The following ZBTB20 variants were observed in gnomAD, a reference collection of about 807,000 sequenced individuals.
The protein encoded by ZBTB20 is zinc finger and BTB domain containing 20.
In ZBTB20, 9 loss-of-function variants were observed where a neutral mutation model predicts 56.9. That is an observed-to-expected ratio of 0.16 (90% CI 0.10 to 0.28). The LOEUF is 0.28. Ranked by LOEUF, ZBTB20 falls within the 10% of genes least tolerant of loss-of-function variation. The pLI is 1.00. For synonymous variants in ZBTB20, 417 were observed against 420.7 expected, an observed-to-expected ratio of 0.99 and a Z score of 0.11; for missense variants, 655 against 1,003.0, an observed-to-expected ratio of 0.65 and a Z score of 4.69.
intron 5 of ZBTB20, among the ~76,000 whole-genome samples, chr3:114,784,914 C>T (rs1440629679): frequency 2.0e-5 from 3 of 152,132 alleles, no homozygotes; most frequent in Admixed American, 2.0e-4. Flanking sequence ...GTGCAAAGCA[C>T]ACTGTAATTA....
intron 6 of ZBTB20, among the ~76,000 whole-genome samples, chr3:114,527,565 A>C (rs2047373513): frequency 6.6e-6 from 1 of 152,212 alleles, no homozygotes; most frequent in South Asian, 2.1e-4. Flanking sequence ...ACTGAGCCAT[A>C]ATCTCAGGAG....
At chr3:114,767,682 A>T (rs2068878807) in intron 5 of ZBTB20, among the ~76,000 whole-genome samples, 1 of 151,888 alleles carries the variant, frequency 6.6e-6, no homozygotes, top group South Asian at 2.1e-4. Context: ...TTATAGAGGT[A>T]TTTTCTCATC....
At chr3:114,599,209 C>T (rs2056573547) in intron 6 of ZBTB20, 1 of 152,022 alleles carries the variant, frequency 6.6e-6, no homozygotes, top group South Asian at 2.1e-4. Flanking sequence ...GAGTTGAAGG[C>T]AACAGTGGCC....
In ZBTB20 at chr3:114,613,839, T is replaced by A. The variant is rs142181955; in HGVS notation, c.-295+79689A>T. ...GATCCTATAGCATAAGAGTGAGTGATGATGAGGAGGATGATAATGGTAATG... is the reference window on the plus strand; with the variant it reads ...GATCCTATAGCATAAGAGTGAGTGAAGATGAGGAGGATGATAATGGTAATG... On this transcript the variant is annotated intron_variant, in intron 6 of 11. Transcript: ENST00000675478. Among the ~76,000 whole-genome samples the A allele has an allele frequency of 7.2e-5, 11 of 152,286 alleles. No individual in the cohort carries two copies. The East Asian group carries it at 2.1e-3, about 29-fold the overall frequency.
At chr3:114,526,768 A>T (rs2047264888) in intron 6 of ZBTB20, among the ~76,000 whole-genome samples, 1 of 152,176 alleles carries the variant, frequency 6.6e-6, no homozygotes, top group Non-Finnish European at 1.5e-5. Context: ...GGTTTATAGG[A>T]CAGGGAAAAC....
chr3:114,746,585 C>T (rs2067064067), intron 5 of ZBTB20, among the ~76,000 whole-genome samples: 1 of 152,124 alleles, frequency 6.6e-6, no homozygotes, highest in Non-Finnish European at 1.5e-5. Context: ...ACTATCCACA[C>T]TACAGCTTGA....
chr3:114,353,282 G>A (rs1224425332), intron 10 of ZBTB20, among the ~76,000 whole-genome samples: 1 of 152,208 alleles, frequency 6.6e-6, no homozygotes, highest in Non-Finnish European at 1.5e-5. Context: ...ACAGCCTGCA[G>A]ATAGGAAGAA....
At chr3:114,571,974 G>A (rs1246584393) in intron 6 of ZBTB20, among the ~76,000 whole-genome samples, 1 of 152,140 alleles carries the variant, frequency 6.6e-6, no homozygotes. Flanking sequence ...CCAACTACTT[G>A]TCCTGGGAGG....
At chr3:114,588,546 A>G (rs2107539166) in intron 6 of ZBTB20, among the ~76,000 whole-genome samples, 1 of 152,220 alleles carries the variant, frequency 6.6e-6, no homozygotes, top group Admixed American at 6.5e-5. Context: ...ATTTTTTCTT[A>G]TAGTATTTCC....
At chr3:114,379,560 T>C (rs967467409) in intron 10 of ZBTB20, among the ~76,000 whole-genome samples, 1 of 152,214 alleles carries the variant, frequency 6.6e-6, no homozygotes, top group Non-Finnish European at 1.5e-5. Flanking sequence ...GTGATTTCAA[T>C]AGCGACGATC....
chr3:114,843,703 G>A (rs1414346835), intron 4 of ZBTB20, among the ~76,000 whole-genome samples: 7 of 152,038 alleles, frequency 4.6e-5, no homozygotes, highest in Non-Finnish European at 1.0e-4. Flanking sequence ...TTGAGACGGA[G>A]TCTCACTCTG....
intron 6 of ZBTB20, among the ~76,000 whole-genome samples, chr3:114,628,072 G>C (rs2058741893): frequency 6.6e-6 from 1 of 152,268 alleles, no homozygotes; most frequent in African/African-American, 2.4e-5. Flanking sequence ...AAACTCCATA[G>C]TCTCTGCCAA....
chr3:115,076,741 A>C (rs909679622), intron 1 of ZBTB20, among the ~76,000 whole-genome samples: 1 of 152,228 alleles, frequency 6.6e-6, no homozygotes, highest in African/African-American at 2.4e-5. Context: ...TGAAAAGGCA[A>C]CCTATGGAAT....
At chr3:114,726,185 G>C (rs1339303554) in intron 5 of ZBTB20, among the ~76,000 whole-genome samples, 3 of 152,130 alleles carry the variant, frequency 2.0e-5, no homozygotes, top group African/African-American at 7.2e-5. Flanking sequence ...TAATGCAGGA[G>C]AGAGAGGATT....
At chr3:115,047,412 C>T (rs899775872) in intron 2 of ZBTB20, among the ~76,000 whole-genome samples, 4 of 152,188 alleles carry the variant, frequency 2.6e-5, no homozygotes, top group African/African-American at 9.7e-5. Context: ...GCTTCTTAAG[C>T]TGATTGTACG....
intron 6 of ZBTB20, among the ~76,000 whole-genome samples, chr3:114,505,074 T>C (rs1408707138): frequency 2.0e-5 from 3 of 152,146 alleles, no homozygotes; most frequent in African/African-American, 4.8e-5. Context: ...TTCTAAATAT[T>C]TCACAGTGGT....
intron 3 of ZBTB20, among the ~76,000 whole-genome samples, chr3:114,939,564 A>G (rs1427848814): frequency 6.8e-6 from 1 of 146,524 alleles, no homozygotes; most frequent in East Asian, 1.9e-4. Context: ...TATGACCTTT[A>G]GCTGAGGGAA....
At chr3:115,085,238 T>G (rs1208373845) in intron 1 of ZBTB20, among the ~76,000 whole-genome samples, 2 of 151,946 alleles carry the variant, frequency 1.3e-5, no homozygotes, top group Non-Finnish European at 2.9e-5. Context: ...ATTGGGTGAA[T>G]TTGGTGCTCA....
intron 3 of ZBTB20, among the ~76,000 whole-genome samples, chr3:114,914,279 G>A (rs1487554591): frequency 1.3e-5 from 2 of 151,586 alleles, no homozygotes; most frequent in Non-Finnish European, 1.5e-5. Flanking sequence ...AGTTTTTATT[G>A]TAGAGATCTT....
Sources: allele counts gnomAD v4.1 joint callset (sites outside exome capture counted in the v4.1 genomes callset), GRCh38; gene constraint gnomAD v4.1.1; transcripts MANE v1.5; gene names NCBI Gene and HGNC (gene_info 2026-07-23, HGNC 2026-07-21).